Variants in PRDM1 observed in about 807,000 individuals in gnomAD.
PRDM1 encodes PR/SET domain 1, also known as PR domain zinc finger protein 1.
Under a neutral mutation model 62.8 loss-of-function variants are expected in PRDM1, and 13 were observed. The ratio of observed to expected loss-of-function variants is 0.21; its 90% CI spans 0.13 to 0.33. PRDM1 has a LOEUF of 0.33. Among genes scored for constraint, PRDM1 ranks in the 10% least tolerant of loss-of-function variants. The probability of loss-of-function intolerance (pLI) is 1.00; values close to 1 mark genes in which losing one functional copy is unlikely to be tolerated. For missense variants in PRDM1, 895 were observed against 1,058.8 expected (o/e 0.85, Z 2.15); for synonymous variants, 396 against 417.6 (o/e 0.95, Z 0.63).
intron 2 of PRDM1, among the ~76,000 whole-genome samples, chr6:106,090,424 T>G (rs547590642): frequency 6.6e-6 from 1 of 152,356 alleles, no homozygotes; most frequent in Non-Finnish European, 1.5e-5. Flanking sequence ...GAGGATAGTA[T>G]GTCTTTAAAC....
intron 1 of PRDM1, among the ~76,000 whole-genome samples, chr6:106,064,226 C>T: frequency 6.6e-6 from 1 of 152,156 alleles, no homozygotes; most frequent in East Asian, 1.9e-4. Context: ...AAGTTAAGTA[C>T]TGTCATTCAG....
At chr6:106,082,489 A>G (rs559392349), upstream of PRDM1, among the ~76,000 whole-genome samples, 4 of 152,346 alleles carry the variant, frequency 2.6e-5, no homozygotes, top group Admixed American at 2.0e-4. Context: ...AATCATATAT[A>G]AATGATTAGA....
chr6:106,108,835 G>A lies in PRDM1; in HGVS notation c.*1349G>A, dbSNP rs551585233. 8.6e-6 allele frequency: 2 copies of A among 232,880 alleles called. No homozygotes were observed. Among genetic ancestry groups the A allele is most frequent in the South Asian group, 3.6e-4 (2 of 5,520 alleles). The allele number at this position is 232,880 out of a possible 1,614,324, so 14.4% of individuals were successfully genotyped here. On this transcript the variant is annotated 3_prime_UTR_variant, in exon 7 of 7. Coordinates refer to ENST00000369096, the MANE Select transcript of PRDM1 (RefSeq NM_001198.4). ...GTTACCTCATTGAGTGTGTCCAGTA[G>A]TGCAGGAAATGATGTCTTATCTAAT...
chr6:106,021,202 C>T (rs1395725274), intron 1 of PRDM1, among the ~76,000 whole-genome samples: 2 of 152,220 alleles, frequency 1.3e-5, no homozygotes, highest in East Asian at 3.8e-4. Context: ...TTACTGACAT[C>T]AGATTCTTCG....
chr6:106,054,308 CCTT>C, intron 1 of PRDM1, among the ~76,000 whole-genome samples: 1 of 149,108 alleles, frequency 6.7e-6, no homozygotes, highest in Admixed American at 6.6e-5. Flanking sequence ...GCCTCTTAAT[CCTT>C]CTTTAAAGCA....
chr6:106,036,070 CTA>C (rs1175379005), intron 1 of PRDM1, among the ~76,000 whole-genome samples: 1 of 152,034 alleles, frequency 6.6e-6, no homozygotes. Flanking sequence ...GCCTGGCCAG[CTA>C]TTTGTTTTCT....
rs2114613893 is a variant in PRDM1, at chr6:106,086,338, C to G, written c.-216C>G. On this transcript the variant is annotated 5_prime_UTR_variant, in exon 1 of 7. Transcript: ENST00000369096. ...CAGGGAGGGGAAGCCAGACGGTTAA[C>G]ACAGACAAAGTGCTGCCGTGACACT... 1 of 491,974 alleles carries G rather than the reference C, an allele frequency of 2.0e-6. No individual in the cohort carries two copies. Among genetic ancestry groups the G allele is most frequent in the East Asian group, 3.2e-5 (1 of 31,352 alleles). The allele number at this position is 491,974 out of a possible 1,614,324, so 30.5% of individuals were successfully genotyped here. A position where few individuals can be genotyped will look rare whatever the true frequency, so the allele number is the denominator to read the frequency against.
upstream of PRDM1, chr6:106,046,658 T>A (rs1773081437): frequency 6.6e-6 from 1 of 152,014 alleles, no homozygotes; most frequent in South Asian, 2.1e-4. Context: ...CTTGTGAAGA[T>A]CCACATTCTG....
At chr6:106,018,296 A>AT (rs531261855) in intron 1 of PRDM1, among the ~76,000 whole-genome samples, 1 of 152,222 alleles carries the variant, frequency 6.6e-6, no homozygotes, top group Non-Finnish European at 1.5e-5. Flanking sequence ...GTAGACCATA[A>AT]TTTTTTAGAA....
In PRDM1 at chr6:106,086,933, A is replaced by C. The variant is rs560506860; in HGVS notation, c.42+338A>C. 3.9e-5 allele frequency among the ~76,000 whole-genome samples: 6 copies of C among 152,304 alleles called. 1 individual carries two copies. In the East Asian group the frequency reaches 1.2e-3, roughly 29 times the overall value. On this transcript the variant is annotated intron_variant, in intron 1 of 6. Transcript: ENST00000369096. ...CTCTACATGTTGGAACTAAATAAAA[A>C]TAAGCAGGTTTGCTTAAATCATAAC...
rs1012351664 is a variant in PRDM1, at chr6:106,035,446, A to AC, written c.-67+41813dup. 2.5e-4 allele frequency among the ~76,000 whole-genome samples: 38 copies of AC among 150,884 alleles called. No homozygotes were observed. In the East Asian group the frequency reaches 3.3e-3, roughly 13 times the overall value. On this transcript the variant is annotated intron_variant, in intron 1 of 6. Transcript: ENST00000652320. The stretch of plus-strand genomic sequence containing the variant: ...AGACCAATCTGGACAACATAGTGAG[A>AC]CCCCCCTCCCCGTCTCTATAGAAAC...
chr6:106,103,357 A>G (rs1774332992), intron 4 of PRDM1, among the ~76,000 whole-genome samples: 1 of 152,162 alleles, frequency 6.6e-6, no homozygotes, highest in African/African-American at 2.4e-5. Flanking sequence ...GCAAGTGTGG[A>G]GTTCTTTCTC....
At chr6:106,011,847 G>A (rs556397455) in intron 1 of PRDM1, among the ~76,000 whole-genome samples, 64 of 151,168 alleles carry the variant, frequency 4.2e-4, no homozygotes, top group African/African-American at 1.5e-3. Flanking sequence ...CATGCCACAC[G>A]CAAACACAGT....
chr6:106,008,412 C>T (rs1311917267), intron 1 of PRDM1, among the ~76,000 whole-genome samples: 3 of 152,116 alleles, frequency 2.0e-5, no homozygotes, highest in African/African-American at 7.2e-5. Flanking sequence ...ACATGACTCA[C>T]ACTTGTGGAA....
At chr6:106,034,635 C>G (rs373825545) in intron 1 of PRDM1, among the ~76,000 whole-genome samples, 3 of 88,418 alleles carry the variant, frequency 3.4e-5, no homozygotes, top group Non-Finnish European at 6.0e-5. Flanking sequence ...TGTTCTCTCT[C>G]TTTTTTTTTT....
At chr6:106,046,675 G>A (rs1409753084), upstream of PRDM1, 1 of 152,228 alleles carries the variant, frequency 6.6e-6, no homozygotes, top group African/African-American at 2.4e-5. Context: ...TCTGGGGTGG[G>A]AGAGCAGCCA....
intron 1 of PRDM1, among the ~76,000 whole-genome samples, chr6:106,069,086 C>T (rs190269525): frequency 1.1e-4 from 17 of 152,310 alleles, no homozygotes; most frequent in Non-Finnish European, 2.5e-4. Context: ...TTTGGATGGT[C>T]ACTTTGCCTC....
chr6:106,054,589 A>T (rs1249187195), intron 1 of PRDM1, among the ~76,000 whole-genome samples: 1 of 152,206 alleles, frequency 6.6e-6, no homozygotes, highest in Non-Finnish European at 1.5e-5. Flanking sequence ...TTTACAAATG[A>T]ATTTATGAAA....
intron 4 of PRDM1, among the ~76,000 whole-genome samples, chr6:106,101,124 C>T (rs1449069039): frequency 6.6e-6 from 1 of 152,144 alleles, no homozygotes; most frequent in African/African-American, 2.4e-5. Context: ...AAGAAGCGCA[C>T]AGCTCCCTCC....
Sources: allele counts gnomAD v4.1 joint callset (sites outside exome capture counted in the v4.1 genomes callset), GRCh38; gene constraint gnomAD v4.1.1; transcripts MANE v1.5; gene names NCBI Gene and HGNC (gene_info 2026-07-23, HGNC 2026-07-21).